Variants in ELP4 observed in about 807,000 individuals in gnomAD.
ELP4 encodes the protein elongator acetyltransferase complex subunit 4.
Under a neutral mutation model 48.9 loss-of-function variants are expected in ELP4, and 51 were observed. The observed-to-expected ratio is 1.04, with a 90% CI of 0.83 to 1.32. ELP4 has a LOEUF of 1.32. ELP4 is among the 40% of genes most tolerant of loss of function. The probability of loss-of-function intolerance (pLI) is 0.00; values close to 1 mark genes in which losing one functional copy is unlikely to be tolerated. For missense variants in ELP4, 519 were observed against 514.6 expected, an observed-to-expected ratio of 1.01 and a Z score of -0.08; for synonymous variants, 210 against 189.2, an observed-to-expected ratio of 1.11 and a Z score of -0.90.
At chr11:31,580,407 G>T (rs1442171329) in intron 3 of ELP4, among the ~76,000 whole-genome samples, 1 of 152,180 alleles carries the variant, frequency 6.6e-6, no homozygotes, top group South Asian at 2.1e-4. Flanking sequence ...GTAAAAGTAA[G>T]TTTGGGGTTG....
intron 9 of ELP4, among the ~76,000 whole-genome samples, chr11:31,760,112 A>G (rs560336232): frequency 6.6e-6 from 1 of 152,340 alleles, no homozygotes; most frequent in African/African-American, 2.4e-5. Context: ...ATATACTTTT[A>G]TGTCCACCTT....
chr11:31,630,320 A>T (rs544694214), intron 6 of ELP4, among the ~76,000 whole-genome samples: 1 of 140,244 alleles, frequency 7.1e-6, no homozygotes, highest in East Asian at 2.1e-4. Context: ...CAACAATGTT[A>T]TCTTCTCTCC....
chr11:31,578,107 C>G (rs1957318433), intron 3 of ELP4, among the ~76,000 whole-genome samples: 2 of 152,142 alleles, frequency 1.3e-5, no homozygotes, highest in Non-Finnish European at 2.9e-5. Context: ...TCTCAGGATA[C>G]AAAATCAATG....
In ELP4 at chr11:31,716,993, C is replaced by CAGTT. The variant is rs148452183; in HGVS notation, c.1144-66399_1144-66396dup. 6.6e-3 allele frequency among the ~76,000 whole-genome samples: 1,005 copies of CAGTT among 152,204 alleles called. 15 individuals are homozygous for CAGTT. The highest frequency in any genetic ancestry group is 0.023 in the African/African-American group (935 of 41,522). ...TATTGACCAGTGAGAAGATAATGAA[C>CAGTT]AGTTCTAAATATAAGAAATTGCTCA... On this transcript the variant is annotated intron_variant, in intron 9 of 9. Coordinates refer to ENST00000640961, the MANE Select transcript of ELP4 (RefSeq NM_019040.5).
At chr11:31,696,638 C>T (rs889075098) in intron 9 of ELP4, among the ~76,000 whole-genome samples, 1 of 152,078 alleles carries the variant, frequency 6.6e-6, no homozygotes, top group East Asian at 1.9e-4. Flanking sequence ...GAAGAATCTG[C>T]CCTACAAGAG....
At chr11:31,706,568 ATAAT>A (rs1274886798) in intron 9 of ELP4, among the ~76,000 whole-genome samples, 3 of 147,956 alleles carry the variant, frequency 2.0e-5, no homozygotes, top group Non-Finnish European at 4.5e-5. Context: ...TTAAATTAAT[ATAAT>A]TAATAATTAA....
chr11:31,687,094 A>G (rs1279845887), intron 9 of ELP4, among the ~76,000 whole-genome samples: 1 of 152,124 alleles, frequency 6.6e-6, no homozygotes, highest in African/African-American at 2.4e-5. Flanking sequence ...GCTCCCAAAT[A>G]TCTGATTTGG....
Position 31,575,544 on chromosome 11 carries a change from G to A in ELP4, c.382-19226G>A, listed in dbSNP as rs567164541. Reference sequence around the variant, plus strand: ...AATGTTAAGGGCAGCCAGAGAGAAAGGTCGGGTTACCCACAAAGGGAAGCC... The same window carrying A: ...AATGTTAAGGGCAGCCAGAGAGAAAAGTCGGGTTACCCACAAAGGGAAGCC... On this transcript the variant is annotated intron_variant, in intron 3 of 9. Coordinates refer to ENST00000640961, the MANE Select transcript of ELP4 (RefSeq NM_019040.5). Among the ~76,000 whole-genome samples the A allele has an allele frequency of 6.6e-5, 10 of 152,288 alleles. No individual in the cohort carries two copies. In the East Asian group the frequency reaches 1.2e-3, roughly 18 times the overall value.
At chr11:31,592,220 T>C (rs1957592070) in intron 3 of ELP4, among the ~76,000 whole-genome samples, 1 of 152,136 alleles carries the variant, frequency 6.6e-6, no homozygotes, top group African/African-American at 2.4e-5. Flanking sequence ...AATGTTGTTT[T>C]TATGTTATGT....
intron 3 of ELP4, among the ~76,000 whole-genome samples, chr11:31,574,316 G>A (rs528334654): frequency 6.6e-5 from 10 of 152,282 alleles, no homozygotes; most frequent in African/African-American, 1.7e-4. Context: ...GCCCACCCCA[G>A]CTAAGGAAAC....
At chr11:31,515,053 A>ATATG (rs1956086066) in intron 1 of ELP4, among the ~76,000 whole-genome samples, 2 of 149,206 alleles carry the variant, frequency 1.3e-5, no homozygotes, top group Non-Finnish European at 3.0e-5. Context: ...ATATATATAT[A>ATATG]TATGTATAGG....
chr11:31,515,929 T>C (rs1592074155), intron 1 of ELP4, among the ~76,000 whole-genome samples: 1 of 152,076 alleles, frequency 6.6e-6, no homozygotes, highest in East Asian at 1.9e-4. Context: ...GCTAACACGG[T>C]GAAACCCCGT....
chr11:31,545,297 A>T (rs1173079483), intron 3 of ELP4, among the ~76,000 whole-genome samples: 3 of 152,264 alleles, frequency 2.0e-5, no homozygotes, highest in Non-Finnish European at 4.4e-5. Context: ...AAAGGAGCTG[A>T]TGGAGCTGAA....
chr11:31,551,153 A>G (rs1956843206), intron 3 of ELP4, among the ~76,000 whole-genome samples: 1 of 152,180 alleles, frequency 6.6e-6, no homozygotes, highest in South Asian at 2.1e-4. Flanking sequence ...TTTAGTCAGA[A>G]CTGTGTCAGC....
At chr11:31,748,342 T>A (rs1189127617) in intron 9 of ELP4, among the ~76,000 whole-genome samples, 1 of 151,890 alleles carries the variant, frequency 6.6e-6, no homozygotes, top group Non-Finnish European at 1.5e-5. Context: ...CCTCTCAGGT[T>A]CACGCTATTT....
At chr11:31,637,762 T>A (rs528736338) in intron 7 of ELP4, among the ~76,000 whole-genome samples, 1 of 152,112 alleles carries the variant, frequency 6.6e-6, no homozygotes, top group South Asian at 2.1e-4. Context: ...CACCTCCAAA[T>A]TATGCAAACA....
chr11:31,710,624 GAA>G (rs757991878), intron 9 of ELP4, among the ~76,000 whole-genome samples: 13 of 110,174 alleles, frequency 1.2e-4, no homozygotes, highest in South Asian at 2.8e-4. Context: ...GACCCCATCT[GAA>G]AAAAAAAAAA....
intron 3 of ELP4, among the ~76,000 whole-genome samples, chr11:31,589,949 C>G (rs1045907185): frequency 6.6e-6 from 1 of 152,180 alleles, no homozygotes; most frequent in African/African-American, 2.4e-5. Flanking sequence ...AGAATGAAAG[C>G]TTATTATAGA....
intron 4 of ELP4, among the ~76,000 whole-genome samples, chr11:31,602,140 G>A (rs1224597060): frequency 1.3e-5 from 2 of 152,010 alleles, no homozygotes; most frequent in East Asian, 3.9e-4. Context: ...TCTCAATGAA[G>A]ACATCAGATC....
Sources: gnomAD v4.1 joint callset for allele counts (sites outside exome capture counted in the v4.1 genomes callset) on GRCh38, gnomAD v4.1.1 for gene constraint, MANE v1.5 for transcripts, NCBI Gene and HGNC (gene_info 2026-07-23, HGNC 2026-07-21) for gene names.